Variants in MCC observed in about 807,000 individuals in gnomAD.
MCC encodes the protein MCC regulator of Wnt signaling pathway.
A neutral mutation model predicts 116.2 loss-of-function variants in MCC; 90 were observed. That is an observed-to-expected ratio of 0.77 (90% CI 0.65 to 0.92). MCC has a LOEUF of 0.92. MCC is among the 40% of genes least tolerant of loss of function. The probability of loss-of-function intolerance (pLI) is 0.00; values close to 1 mark genes in which losing one functional copy is unlikely to be tolerated. For synonymous variants in MCC, 578 were observed against 510.5 expected (o/e 1.13, Z -1.78); for missense variants, 1,516 against 1,312.2 (o/e 1.16, Z -2.40).
chr5:113,035,360 G>A (rs1418235876), intron 17 of MCC, among the ~76,000 whole-genome samples: 1 of 152,126 alleles, frequency 6.6e-6, no homozygotes, highest in Non-Finnish European at 1.5e-5. Flanking sequence ...CTTCTCACCC[G>A]GACAACCACA....
chr5:113,191,699 C>A (rs1165419836), intron 3 of MCC, among the ~76,000 whole-genome samples: 2 of 152,184 alleles, frequency 1.3e-5, no homozygotes, highest in Non-Finnish European at 2.9e-5. Context: ...TTTAAGACAG[C>A]AGGATGCAAC....
At chr5:113,487,533 AC>A (rs951205395) in intron 1 of MCC, among the ~76,000 whole-genome samples, 1 of 152,186 alleles carries the variant, frequency 6.6e-6, no homozygotes, top group African/African-American at 2.4e-5. Context: ...CGAAGCAAAC[AC>A]CCCAAAGTTT....
chr5:113,039,750 A>T (rs953091207), intron 17 of MCC, among the ~76,000 whole-genome samples: 1 of 130,578 alleles, frequency 7.7e-6, no homozygotes, highest in South Asian at 2.7e-4. Flanking sequence ...CATGGAGAGC[A>T]GCACCTGCTC....
chr5:113,045,918 T>C (rs1250624917), intron 16 of MCC, among the ~76,000 whole-genome samples: 1 of 152,176 alleles, frequency 6.6e-6, no homozygotes, highest in African/African-American at 2.4e-5. Context: ...TGGCTGCAGC[T>C]GCACCCAAAT....
intron 11 of MCC, among the ~76,000 whole-genome samples, chr5:113,078,679 A>G (rs982573226): frequency 1.3e-5 from 2 of 152,230 alleles, no homozygotes; most frequent in African/African-American, 4.8e-5. Context: ...AGAGCTATCT[A>G]TGACAAACCC....
chr5:113,261,108 A>G (rs1172907794), intron 3 of MCC, among the ~76,000 whole-genome samples: 2 of 152,202 alleles, frequency 1.3e-5, no homozygotes, highest in African/African-American at 4.8e-5. Flanking sequence ...AGTTCAAAAT[A>G]CTGTAAATCA....
At chr5:113,340,774 A>G in intron 2 of MCC, 44 bp from the exon 3 acceptor site, 2 of 1,551,688 alleles carry the variant, frequency 1.3e-6, no homozygotes, top group Non-Finnish European at 1.8e-6. Context: ...CATTTCCTTC[A>G]TTAGCCTGTG....
At chr5:113,457,927 T>A (rs1178421233) in intron 1 of MCC, among the ~76,000 whole-genome samples, 1 of 151,870 alleles carries the variant, frequency 6.6e-6, no homozygotes, top group African/African-American at 2.4e-5. Context: ...TGTATCTAGC[T>A]ACTCTGGTGG....
intron 1 of MCC, among the ~76,000 whole-genome samples, chr5:113,417,694 C>T (rs150373544): frequency 6.6e-6 from 1 of 152,036 alleles, no homozygotes; most frequent in African/African-American, 2.4e-5. Flanking sequence ...TTTGGGAGGC[C>T]GAGGCAGGGG....
chr5:113,030,128 A>G (rs1280288223), intron 17 of MCC, among the ~76,000 whole-genome samples: 3 of 152,224 alleles, frequency 2.0e-5, no homozygotes, highest in African/African-American at 4.8e-5. Flanking sequence ...GTAAATTTGC[A>G]TGATTAATTT....
intron 8 of MCC, among the ~76,000 whole-genome samples, chr5:113,090,993 C>T (rs1171143445): frequency 1.3e-5 from 2 of 152,126 alleles, no homozygotes; most frequent in African/African-American, 4.8e-5. Context: ...AGAATGAGAG[C>T]GTGGGAGGGA....
chr5:113,151,173 A>C, intron 4 of MCC, 136 bp downstream of exon 4: 1 of 613,504 alleles, frequency 1.6e-6, no homozygotes. Flanking sequence ...CAGCAGCCAG[A>C]GCAGACCAAG....
chr5:113,096,474 T>C (rs529988813), intron 8 of MCC, among the ~76,000 whole-genome samples: 7 of 152,348 alleles, frequency 4.6e-5, no homozygotes, highest in African/African-American at 1.7e-4. Context: ...AACTGCCTGT[T>C]TCTCTGCAAC....
chr5:113,365,208 G>A (rs1768656938), intron 2 of MCC, among the ~76,000 whole-genome samples: 1 of 152,080 alleles, frequency 6.6e-6, no homozygotes, highest in South Asian at 2.1e-4. Flanking sequence ...TATGAGCATA[G>A]GCTGTTAGAA....
chr5:113,211,594 C>G (rs1198810367), intron 3 of MCC, among the ~76,000 whole-genome samples: 1 of 152,196 alleles, frequency 6.6e-6, no homozygotes, highest in Non-Finnish European at 1.5e-5. Context: ...ATGTAAGGTA[C>G]TGTCAGCATA....
chr5:113,102,133 C>T (rs534274743), intron 7 of MCC, among the ~76,000 whole-genome samples, 188 bp from the exon 8 acceptor site: 1 of 152,326 alleles, frequency 6.6e-6, no homozygotes, highest in East Asian at 1.9e-4. Flanking sequence ...GAGGCTCTGT[C>T]ACTTGCCTGG....
rs73778917 is a variant in MCC, at chr5:113,083,362, T to C, written c.1636-354A>G. ...TGAATTCCCTGCCACTCCAGGCCAC[T>C]GTTTTTGGTTTCTGTAGCCCAGGAG... On this transcript the variant is annotated intron_variant, in intron 10 of 18. Coordinates refer to ENST00000408903, the MANE Select transcript of MCC (RefSeq NM_001085377.2). Among the ~76,000 whole-genome samples, 1,189 of 152,294 alleles carry C rather than the reference T, an allele frequency of 7.8e-3. 15 individuals are homozygous for C. The highest frequency in any genetic ancestry group is 0.027 in the African/African-American group (1,118 of 41,560).
At chr5:113,481,981 C>T (rs1405463708) in intron 1 of MCC, among the ~76,000 whole-genome samples, 2 of 152,212 alleles carry the variant, frequency 1.3e-5, no homozygotes, top group African/African-American at 4.8e-5. Flanking sequence ...CTTTCTATCT[C>T]TATAGACATT....
At chr5:113,213,922 C>A (rs1763218855) in intron 3 of MCC, among the ~76,000 whole-genome samples, 1 of 152,162 alleles carries the variant, frequency 6.6e-6, no homozygotes, top group South Asian at 2.1e-4. Flanking sequence ...CTGCAGGGTG[C>A]ATCATTTATT....
Sources: gnomAD v4.1 joint callset for allele counts (sites outside exome capture counted in the v4.1 genomes callset) on GRCh38, gnomAD v4.1.1 for gene constraint, MANE v1.5 for transcripts, NCBI Gene and HGNC (gene_info 2026-07-23, HGNC 2026-07-21) for gene names.